The following PRKG2 variants were observed in gnomAD, a reference collection of about 807,000 sequenced individuals.
PRKG2 encodes the protein protein kinase cGMP-dependent 2.
A neutral mutation model predicts 97.2 loss-of-function variants in PRKG2; 33 were observed. The ratio of observed to expected loss-of-function variants is 0.34; its 90% CI spans 0.26 to 0.45. The LOEUF is 0.45. Ranked by LOEUF, PRKG2 falls within the 20% of genes least tolerant of loss-of-function variation. PRKG2 has a pLI of 1.00. For missense variants in PRKG2, 638 were observed against 900.0 expected, an observed-to-expected ratio of 0.71 and a Z score of 3.73; for synonymous variants, 330 against 321.8, an observed-to-expected ratio of 1.03 and a Z score of -0.27.
At chr4:81,113,315 C>T (rs1222679072) in intron 14 of PRKG2, among the ~76,000 whole-genome samples, 1 of 151,742 alleles carries the variant, frequency 6.6e-6, no homozygotes, top group African/African-American at 2.4e-5. Flanking sequence ...AGACACCCTC[C>T]CCTTTTTTTT....
chr4:81,109,070 G>A (rs1005662668), intron 15 of PRKG2, among the ~76,000 whole-genome samples: 3 of 152,118 alleles, frequency 2.0e-5, no homozygotes, highest in South Asian at 2.1e-4. Flanking sequence ...AATAGAATTC[G>A]TTGTGCCCAA....
intron 2 of PRKG2, among the ~76,000 whole-genome samples, chr4:81,190,363 T>C (rs1321914004): frequency 6.6e-6 from 1 of 152,136 alleles, no homozygotes; most frequent in East Asian, 1.9e-4. Context: ...ACTTAATAAA[T>C]GGTGTTGGGA....
chr4:81,216,678 C>T (rs971753458), upstream of PRKG2, among the ~76,000 whole-genome samples: 19 of 152,052 alleles, frequency 1.2e-4, 1 homozygote, highest in Non-Finnish European at 1.5e-5. Flanking sequence ...CTACCTCACC[C>T]ACCTCCCACC....
intron 3 of PRKG2, among the ~76,000 whole-genome samples, chr4:81,172,767 A>T (rs1750600661): frequency 1.3e-5 from 2 of 152,166 alleles, no homozygotes; most frequent in South Asian, 4.1e-4. Context: ...TTCACTGCTA[A>T]GTAGCTCTGT....
intron 7 of PRKG2, among the ~76,000 whole-genome samples, chr4:81,152,807 CAAG>C (rs560000174): frequency 5.8e-4 from 89 of 152,240 alleles, no homozygotes; most frequent in Middle Eastern, 3.4e-3. Flanking sequence ...GAAAAAATGA[CAAG>C]AAGTAGTTCC....
Position 81,143,078 on chromosome 4 carries a change from T to C in PRKG2, c.1254-131A>G, listed in dbSNP as rs552780369. The C allele has an allele frequency of 5.8e-6, 7 of 1,205,704 alleles. No homozygotes were observed. In the East Asian group the frequency reaches 1.7e-4, roughly 29 times the overall value. 74.7% of individuals were successfully genotyped at this position (1,205,704 alleles called of 1,614,324 possible). ...TGATTTATAGTTGCCACAAAGGCTA[T>C]CCCAACTTTTATGGATCAGATTCAG... On this transcript the variant is annotated intron_variant, in intron 10 of 18. Transcript: ENST00000264399.
chr4:81,131,364 G>A (rs1423981771), intron 14 of PRKG2, among the ~76,000 whole-genome samples: 3 of 152,170 alleles, frequency 2.0e-5, no homozygotes, highest in Non-Finnish European at 4.4e-5. Context: ...GAAATCACCT[G>A]CCTTCTGCAT....
chr4:81,130,458 G>A (rs1187765220), intron 14 of PRKG2, among the ~76,000 whole-genome samples: 2 of 152,174 alleles, frequency 1.3e-5, no homozygotes, highest in African/African-American at 4.8e-5. Context: ...CCGGCAGGAG[G>A]AACAAGGGTC....
intron 2 of PRKG2, among the ~76,000 whole-genome samples, chr4:81,179,073 C>G (rs193192489): frequency 6.6e-6 from 1 of 151,028 alleles, no homozygotes; most frequent in East Asian, 1.9e-4. Flanking sequence ...TGCAGTGAGC[C>G]GAGATTGTGC....
intron 1 of PRKG2, among the ~76,000 whole-genome samples, chr4:81,214,430 T>TA (rs1754168803): frequency 6.6e-6 from 1 of 151,492 alleles, no homozygotes; most frequent in Admixed American, 6.6e-5. Context: ...CACCGAGAAA[T>TA]ACAGAAATAT....
At position 81,155,177 on chromosome 4, in the gene PRKG2, C is replaced by CAA. The variant is rs57874087; in HGVS notation, c.913-1458_913-1457dup. Among the ~76,000 whole-genome samples, 387 of 74,394 alleles carry CAA rather than the reference C, an allele frequency of 5.2e-3. 19 individuals are homozygous for CAA. The highest frequency in any genetic ancestry group is 7.0e-3 in the Non-Finnish European group (309 of 44,406). The allele number at this position is 74,394 out of a possible 152,430, so 48.8% of individuals were successfully genotyped here. ...TGGGCGACAGAGCGAGACTCCGTCT[C>CAA]AAAAAAAAAAAAAAGAAGAATGTAT... is the stretch of plus-strand genomic sequence containing the variant. On this transcript the variant is annotated intron_variant, in intron 6 of 18. Transcript: ENST00000264399.
rs368469710 is a variant in PRKG2, at chr4:81,158,651, G to T, written c.913-4930C>A. Among the ~76,000 whole-genome samples the T allele has an allele frequency of 1.4e-4, 21 of 152,142 alleles. No homozygotes were observed. The South Asian group carries it at 4.3e-3, about 32-fold the overall frequency. ...GCCCGCATCACCAAGTCAATCCTGA[G>T]CCAAAAGAACAAAGCTGGAGGCATC... On this transcript the variant is annotated intron_variant, in intron 6 of 18. Transcript: ENST00000264399.
intron 11 of PRKG2, 101 bp downstream of exon 11, chr4:81,142,693 T>A: frequency 7.6e-7 from 1 of 1,318,544 alleles, no homozygotes; most frequent in Non-Finnish European, 1.0e-6. Flanking sequence ...ACATTTAAGA[T>A]AGCAGTAACA....
At chr4:81,138,279 T>C (rs1018275466) in intron 12 of PRKG2, among the ~76,000 whole-genome samples, 3 of 152,160 alleles carry the variant, frequency 2.0e-5, no homozygotes, top group African/African-American at 7.2e-5. Context: ...TTCAACCTTG[T>C]GTAAAAGCAG....
At position 81,111,530 on chromosome 4, in the gene PRKG2, T is replaced by C. The variant is rs539574750; in HGVS notation, c.1777-919A>G. Among the ~76,000 whole-genome samples, 45 of 152,116 alleles carry C rather than the reference T, an allele frequency of 3.0e-4. 1 individual carries two copies. In the East Asian group the frequency reaches 8.7e-3, roughly 29 times the overall value. On this transcript the variant is annotated intron_variant, in intron 14 of 18. Coordinates refer to ENST00000264399, the MANE Select transcript of PRKG2 (RefSeq NM_006259.3). ...GCAAAAATCATATATGTCAAGAACA[T>C]TAGGGAGATGATGGTTGGGGAAGAT...
At chr4:81,158,904 G>A (rs910645094) in intron 6 of PRKG2, among the ~76,000 whole-genome samples, 2 of 150,086 alleles carry the variant, frequency 1.3e-5, no homozygotes, top group Non-Finnish European at 2.9e-5. Flanking sequence ...TATGTAGAAA[G>A]CTGAAACTGG....
intron 14 of PRKG2, among the ~76,000 whole-genome samples, chr4:81,117,002 T>C (rs996982382): frequency 3.5e-5 from 5 of 141,040 alleles, no homozygotes; most frequent in African/African-American, 1.3e-4. Context: ...TTTTTTTTTT[T>C]TTTTTTTTGA....
intron 14 of PRKG2, among the ~76,000 whole-genome samples, chr4:81,114,783 G>A (rs1302962260): frequency 6.6e-6 from 1 of 151,634 alleles, no homozygotes. Context: ...ACTGCCCAGA[G>A]GTCCCACTAC....
chr4:81,160,890 C>G (rs1467998800), intron 6 of PRKG2, among the ~76,000 whole-genome samples: 1 of 152,110 alleles, frequency 6.6e-6, no homozygotes, highest in Non-Finnish European at 1.5e-5. Context: ...ATTAAACTGT[C>G]CACCTCTACT....
Sources: allele counts gnomAD v4.1 joint callset (sites outside exome capture counted in the v4.1 genomes callset), GRCh38; gene constraint gnomAD v4.1.1; transcripts MANE v1.5; gene names NCBI Gene and HGNC (gene_info 2026-07-23, HGNC 2026-07-21).